Variants in CREB5 observed in about 807,000 individuals in gnomAD.
CREB5 encodes the protein cyclic AMP-responsive element-binding protein 5.
A neutral mutation model predicts 57.1 loss-of-function variants in CREB5; 19 were observed. The ratio of observed to expected loss-of-function variants is 0.33; its 90% CI spans 0.23 to 0.49. CREB5 has a LOEUF of 0.49. Ranked by LOEUF, CREB5 falls within the 20% of genes least tolerant of loss-of-function variation. The pLI, the probability that CREB5 is intolerant of heterozygous loss-of-function variation, is 0.99. For missense variants in CREB5, 579 were observed against 671.6 expected, an observed-to-expected ratio of 0.86 and a Z score of 1.52; for synonymous variants, 238 against 238.3, an observed-to-expected ratio of 1.00 and a Z score of 0.01.
At chr7:28,335,686 C>G (rs1054239313) in intron 1 of CREB5, among the ~76,000 whole-genome samples, 2 of 151,744 alleles carry the variant, frequency 1.3e-5, no homozygotes, top group Non-Finnish European at 2.9e-5. Context: ...ATTTGGATGC[C>G]CTTTATTTCT....
intron 7 of CREB5, among the ~76,000 whole-genome samples, chr7:28,771,096 G>A (rs541871586): frequency 6.6e-6 from 1 of 152,128 alleles, no homozygotes; most frequent in Non-Finnish European, 1.5e-5. Flanking sequence ...TGAAATAGTG[G>A]TAGAGCCAAA....
intron 1 of CREB5, among the ~76,000 whole-genome samples, chr7:28,361,707 C>T (rs1344287120): frequency 6.6e-6 from 1 of 152,132 alleles, no homozygotes; most frequent in Non-Finnish European, 1.5e-5. Context: ...GCAGGGCTCC[C>T]ACAGCATTCA....
At chr7:28,602,425 G>A (rs1796955073) in intron 5 of CREB5, among the ~76,000 whole-genome samples, 1 of 152,148 alleles carries the variant, frequency 6.6e-6, no homozygotes, top group African/African-American at 2.4e-5. Flanking sequence ...TAAAATAAAG[G>A]TGTTTGCAAA....
In CREB5 at chr7:28,303,142, C is replaced by CAAA. The variant is rs36054051; in HGVS notation, c.-25+3715_-25+3717dup. 1.0e-3 allele frequency among the ~76,000 whole-genome samples: 132 copies of CAAA among 129,868 alleles called. 1 individual carries two copies. The highest frequency in any genetic ancestry group is 5.2e-3 in the East Asian group (24 of 4,602). The allele number at this position is 129,868 out of a possible 152,430, so 85.2% of individuals were successfully genotyped here. A position where few individuals can be genotyped will look rare whatever the true frequency, so the allele number is the denominator to read the frequency against. On this transcript the variant is annotated intron_variant, in intron 1 of 9. Coordinates refer to the CREB5 transcript ENST00000396299. ...GGGCAACAAGAGCAAAACTCCATCT[C>CAAA]AAAAAAAAAAAAAAAAGAATTAGTT...
intron 1 of CREB5, among the ~76,000 whole-genome samples, chr7:28,428,685 GT>G (rs2128015385): frequency 6.6e-6 from 1 of 152,306 alleles, no homozygotes; most frequent in East Asian, 1.9e-4. Flanking sequence ...CATGTTGTAT[GT>G]GAAGAGATGC....
At chr7:28,702,284 TGAAAATGGAAAGCAC>T (rs1243253929) in intron 5 of CREB5, among the ~76,000 whole-genome samples, 1 of 152,202 alleles carries the variant, frequency 6.6e-6, no homozygotes, top group Non-Finnish European at 1.5e-5. Context: ...GAAACCATGG[TGAAAATGGAAAGCAC>T]TTAACTTTCG....
intron 1 of CREB5, among the ~76,000 whole-genome samples, chr7:28,418,906 C>A (rs1040037668): frequency 2.0e-5 from 3 of 152,142 alleles, no homozygotes; most frequent in Non-Finnish European, 2.9e-5. Flanking sequence ...TGTACTATTG[C>A]GCTTGTCTTT....
intron 10 of CREB5, 107 bp downstream of exon 10, chr7:28,818,286 C>A: frequency 1.4e-6 from 1 of 737,878 alleles, no homozygotes; most frequent in Non-Finnish European, 2.3e-6. Flanking sequence ...ATTGTACTTC[C>A]AGGCAGATAT....
At chr7:28,340,038 G>A (rs1053718012) in intron 1 of CREB5, among the ~76,000 whole-genome samples, 7 of 152,168 alleles carry the variant, frequency 4.6e-5, no homozygotes, top group Non-Finnish European at 8.8e-5. Context: ...AGGGTAGTGG[G>A]TTCCACTCTG....
rs1168817896 is a variant in CREB5, at chr7:28,786,079, GA to G, written c.703-18118del. Among the ~76,000 whole-genome samples, 598 of 152,308 alleles carry G rather than the reference GA, an allele frequency of 3.9e-3. 6 individuals are homozygous for G. The highest frequency in any genetic ancestry group is 0.013 in the African/African-American group (558 of 41,560). The stretch of plus-strand genomic sequence containing the variant: ...CTAGTGATAGTGTCAGAGGCTGAAA[GA>G]AGATACAGCCAACTTGTACTCAGTT... On this transcript the variant is annotated intron_variant, in intron 7 of 10. Transcript: ENST00000357727.
chr7:28,383,802 T>C (rs1241704211), intron 1 of CREB5, among the ~76,000 whole-genome samples: 1 of 152,198 alleles, frequency 6.6e-6, no homozygotes, highest in Non-Finnish European at 1.5e-5. Flanking sequence ...ACCATGTCAG[T>C]AGCCAATTTG....
intron 5 of CREB5, among the ~76,000 whole-genome samples, chr7:28,624,243 A>G (rs1797913526): frequency 6.6e-6 from 1 of 152,210 alleles, no homozygotes; most frequent in Admixed American, 6.5e-5. Context: ...AAGAAGAATC[A>G]AGCGTTTACT....
chr7:28,661,580 T>G (rs567943559), intron 5 of CREB5, among the ~76,000 whole-genome samples: 8 of 152,236 alleles, frequency 5.3e-5, no homozygotes, highest in Non-Finnish European at 1.2e-4. Flanking sequence ...ATAAATTACT[T>G]GCTGCATTTA....
chr7:28,560,866 C>CGGGCGTGTGTG (rs1562797336), intron 4 of CREB5, among the ~76,000 whole-genome samples: 1 of 50,264 alleles, frequency 2.0e-5, no homozygotes, highest in Non-Finnish European at 4.3e-5. Flanking sequence ...GTGCGTGTGC[C>CGGGCGTGTGTG]TGCGTGCGCG....
intron 5 of CREB5, among the ~76,000 whole-genome samples, chr7:28,692,013 C>CAAAAAA (rs10660459): frequency 2.9e-5 from 3 of 102,850 alleles, no homozygotes; most frequent in Admixed American, 1.0e-4. Flanking sequence ...TACTAAAATA[C>CAAAAAA]AAAAAAAAAA....
At chr7:28,301,259 C>T (rs1785094497) in intron 1 of CREB5, among the ~76,000 whole-genome samples, 1 of 152,150 alleles carries the variant, frequency 6.6e-6, no homozygotes, top group South Asian at 2.1e-4. Context: ...TCATGCGTTT[C>T]AAGTACATGA....
chr7:28,516,217 TAA>T (rs77789258), intron 4 of CREB5, among the ~76,000 whole-genome samples: 1 of 150,082 alleles, frequency 6.7e-6, no homozygotes, highest in African/African-American at 2.5e-5. Flanking sequence ...GTATTTTTTT[TAA>T]AAAAAAAGTA....
chr7:28,364,193 A>C (rs989778024), intron 1 of CREB5, among the ~76,000 whole-genome samples: 8 of 152,214 alleles, frequency 5.3e-5, no homozygotes, highest in Non-Finnish European at 1.0e-4. Flanking sequence ...TTTTTGCCGG[A>C]AATCTTCAGA....
Position 28,633,146 on chromosome 7 carries a change from A to T in CREB5, c.464+62609A>T. ...TATTTACAGATTAGTAAACTAAGGC[A>T]CAGAGAAGCAAAACAATTTGTCTAA... On this transcript the variant is annotated intron_variant, in intron 5 of 10. Transcript: ENST00000357727. Among the ~76,000 whole-genome samples the T allele has an allele frequency of 1.3e-5, 2 of 152,220 alleles. 1 individual carries two copies. Among genetic ancestry groups the T allele is most frequent in the East Asian group, 3.8e-4 (2 of 5,202 alleles).
Sources: allele counts gnomAD v4.1 joint callset (sites outside exome capture counted in the v4.1 genomes callset), GRCh38; gene constraint gnomAD v4.1.1; transcripts MANE v1.5; gene names NCBI Gene and HGNC (gene_info 2026-07-23, HGNC 2026-07-21).